The following NR3C2 variants were observed in gnomAD, a reference collection of about 807,000 sequenced individuals.
The protein encoded by NR3C2 is nuclear receptor subfamily 3 group C member 2, also known as mineralocorticoid receptor.
In NR3C2, 15 loss-of-function variants were observed where a neutral mutation model predicts 86.4. The ratio of observed to expected loss-of-function variants is 0.17; its 90% CI spans 0.12 to 0.27. NR3C2 has a LOEUF of 0.27. Ranked by LOEUF, NR3C2 falls within the 10% of genes least tolerant of loss-of-function variation. The pLI is 1.00. For synonymous variants in NR3C2, 458 were observed against 450.5 expected (o/e 1.02, Z -0.21); for missense variants, 960 against 1,195.6 (o/e 0.80, Z 2.91).
In NR3C2 at chr4:148,114,442, CTATT is replaced by C. The variant is rs1435863381; in HGVS notation, c.2642-185_2642-182del. The stretch of plus-strand genomic sequence containing the variant: ...GTACACATACATACACAAAGAACAA[CTATT>C]TATCAGATGTGTCTTATCATACACT... On this transcript the variant is annotated intron_variant, in intron 7 of 8. Transcript: ENST00000358102. 5.9e-5 allele frequency among the ~76,000 whole-genome samples: 9 copies of C among 152,330 alleles called. No individual in the cohort carries two copies. In the East Asian group the frequency reaches 1.5e-3, roughly 26 times the overall value.
upstream of NR3C2, chr4:148,443,015 A>G (rs1364747657): frequency 5.1e-6 from 5 of 980,554 alleles, no homozygotes; most frequent in Non-Finnish European, 6.1e-6. Context: ...CGCGGGGAGG[A>G]CTCTGGGTGG....
chr4:148,182,670 C>T (rs891565545), intron 4 of NR3C2, among the ~76,000 whole-genome samples: 2 of 152,198 alleles, frequency 1.3e-5, no homozygotes, highest in African/African-American at 4.8e-5. Flanking sequence ...CAGCTAAACA[C>T]TTGTACCATG....
At chr4:148,431,505 T>A (rs1477461489) in intron 2 of NR3C2, among the ~76,000 whole-genome samples, 1 of 151,706 alleles carries the variant, frequency 6.6e-6, no homozygotes, top group African/African-American at 2.4e-5. Context: ...GACAGGGGAG[T>A]TCTAATCCAC....
intron 3 of NR3C2, among the ~76,000 whole-genome samples, chr4:148,195,101 A>G (rs1455283413): frequency 6.6e-6 from 1 of 152,222 alleles, no homozygotes; most frequent in African/African-American, 2.4e-5. Context: ...ATATAAGTAG[A>G]GCCATATTTC....
intron 8 of NR3C2, among the ~76,000 whole-genome samples, chr4:148,111,418 G>A (rs1312071931): frequency 1.3e-5 from 2 of 152,072 alleles, no homozygotes; most frequent in African/African-American, 4.8e-5. Context: ...CCATTTGGCA[G>A]TTTCTTAAAA....
intron 8 of NR3C2, among the ~76,000 whole-genome samples, chr4:148,091,235 C>T (rs956339287): frequency 1.1e-4 from 17 of 152,250 alleles, no homozygotes; most frequent in African/African-American, 4.1e-4. Context: ...GCGGGGGCCC[C>T]AGTCACTGGG....
intron 4 of NR3C2, among the ~76,000 whole-genome samples, chr4:148,192,397 T>C (rs1004881818): frequency 6.6e-6 from 1 of 152,080 alleles, no homozygotes; most frequent in Non-Finnish European, 1.5e-5. Flanking sequence ...AAGGGTGCAA[T>C]GGACTCTGTG....
intron 2 of NR3C2, among the ~76,000 whole-genome samples, chr4:148,367,329 A>G (rs1402426256): frequency 7.9e-5 from 12 of 152,168 alleles, no homozygotes. Flanking sequence ...GCATACGATA[A>G]TTGCTCTATC....
chr4:148,136,176 A>C (rs1418058098), intron 6 of NR3C2, among the ~76,000 whole-genome samples: 1 of 151,946 alleles, frequency 6.6e-6, no homozygotes. Context: ...AAGTCTTAGC[A>C]TGCCTAATTT....
At chr4:148,190,151 A>G (rs1260767437) in intron 4 of NR3C2, among the ~76,000 whole-genome samples, 1 of 152,000 alleles carries the variant, frequency 6.6e-6, no homozygotes, top group South Asian at 2.1e-4. Context: ...GTTCTTTCAG[A>G]CTTTTTGATG....
chr4:148,278,092 TTTTGTTTG>T (rs149602272), intron 2 of NR3C2, among the ~76,000 whole-genome samples: 231 of 40,218 alleles, frequency 5.7e-3, no homozygotes, highest in Admixed American at 0.035. Context: ...CAAGTCTGTT[TTTTGTTTG>T]TTTGTTTGTT....
intron 3 of NR3C2, among the ~76,000 whole-genome samples, chr4:148,210,999 T>C (rs1387909720): frequency 6.6e-6 from 1 of 152,204 alleles, no homozygotes; most frequent in African/African-American, 2.4e-5. Flanking sequence ...AAGTGATCAT[T>C]AGAATGAATT....
Position 148,435,693 on chromosome 4 carries a change from C to T in NR3C2, c.1168G>A (p.Gly390Ser). ...VESAISNGVT[G>S]QLNIVQYIKP... ...ATGTACTGGACAATATTAAGCTGGCCAGTCACACCATTTGAGATGGCACTC... is the reference window on the plus strand; with the variant it reads ...ATGTACTGGACAATATTAAGCTGGCTAGTCACACCATTTGAGATGGCACTC... The change falls in exon 2 of 9, where the codon GGC (glycine) becomes AGC (serine). Residue 390 changes from glycine (G) to serine (S), a missense_variant. Coordinates refer to ENST00000358102, the MANE Select transcript of NR3C2 (RefSeq NM_000901.5). 1 of 1,614,142 alleles carries T rather than the reference C, an allele frequency of 6.2e-7. No homozygotes were observed. Among genetic ancestry groups the T allele is most frequent in the Non-Finnish European group, 8.5e-7 (1 of 1,180,030 alleles).
intron 2 of NR3C2, among the ~76,000 whole-genome samples, chr4:148,425,878 T>C (rs1212966381): frequency 6.6e-6 from 1 of 152,198 alleles, no homozygotes; most frequent in African/African-American, 2.4e-5. Context: ...CGTCTCAGTT[T>C]TCATATCTGT....
intron 2 of NR3C2, among the ~76,000 whole-genome samples, chr4:148,278,032 T>C (rs1225693506): frequency 6.6e-6 from 1 of 152,226 alleles, no homozygotes; most frequent in Non-Finnish European, 1.5e-5. Context: ...AATAACATTA[T>C]TTCATAAAGG....
At chr4:148,181,069 CCA>C (rs1181909575) in intron 4 of NR3C2, among the ~76,000 whole-genome samples, 1 of 152,140 alleles carries the variant, frequency 6.6e-6, no homozygotes, top group Non-Finnish European at 1.5e-5. Context: ...CGTGATATGG[CCA>C]CCTTTACAGG....
chr4:148,438,990 T>C (rs2126664225), intron 1 of NR3C2, among the ~76,000 whole-genome samples: 1 of 152,272 alleles, frequency 6.6e-6, no homozygotes, highest in East Asian at 1.9e-4. Context: ...TAATCAAAAA[T>C]CAATCACAAA....
intron 2 of NR3C2, among the ~76,000 whole-genome samples, chr4:148,291,855 AGCTTAGCCTAG>A (rs1293368841): frequency 5.3e-5 from 8 of 152,286 alleles, no homozygotes; most frequent in South Asian, 4.1e-4. Flanking sequence ...TGAACATTAT[AGCTTAGCCTAG>A]GCTACCTTAA....
chr4:148,157,423 T>C (rs1463473004), intron 4 of NR3C2, among the ~76,000 whole-genome samples: 1 of 152,164 alleles, frequency 6.6e-6, no homozygotes, highest in East Asian at 1.9e-4. Context: ...TCTATTATGA[T>C]TCTCATCGTA....
Sources: allele counts gnomAD v4.1 joint callset (sites outside exome capture counted in the v4.1 genomes callset), GRCh38; gene constraint gnomAD v4.1.1; transcripts MANE v1.5; gene names NCBI Gene and HGNC (gene_info 2026-07-23, HGNC 2026-07-21).